Variants in FNDC3B observed in about 807,000 individuals in gnomAD.
FNDC3B encodes the protein fibronectin type III domain containing 3B.
Under a neutral mutation model 151.5 loss-of-function variants are expected in FNDC3B, and 12 were observed. That is an observed-to-expected ratio of 0.08 (90% CI 0.05 to 0.13). The LOEUF is 0.13. Ranked by LOEUF, FNDC3B falls within the 10% of genes least tolerant of loss-of-function variation. The pLI, the probability that FNDC3B is intolerant of heterozygous loss-of-function variation, is 1.00. For missense variants in FNDC3B, 1,214 were observed against 1,505.3 expected, an observed-to-expected ratio of 0.81 and a Z score of 3.20; for synonymous variants, 528 against 549.0, an observed-to-expected ratio of 0.96 and a Z score of 0.54.
At chr3:172,153,763 A>T (rs1277723039) in intron 3 of FNDC3B, among the ~76,000 whole-genome samples, 1 of 152,250 alleles carries the variant, frequency 6.6e-6, no homozygotes, top group East Asian at 1.9e-4. Flanking sequence ...GGTAAGCCCC[A>T]GTCTGTCTCA....
At chr3:172,362,110 C>T (rs767183795) in intron 22 of FNDC3B, among the ~76,000 whole-genome samples, 10 of 152,200 alleles carry the variant, frequency 6.6e-5, no homozygotes, top group African/African-American at 2.4e-4. Flanking sequence ...TGGATGCCAT[C>T]CCATTACTAA....
At chr3:172,126,712 G>A (rs1720824622) in intron 2 of FNDC3B, among the ~76,000 whole-genome samples, 3 of 152,174 alleles carry the variant, frequency 2.0e-5, no homozygotes, top group South Asian at 4.1e-4. Flanking sequence ...CTTCCTGTGT[G>A]CTTTGAGAGG....
chr3:172,084,045 G>A (rs1044517186), intron 1 of FNDC3B, among the ~76,000 whole-genome samples: 4 of 152,124 alleles, frequency 2.6e-5, no homozygotes, highest in African/African-American at 9.7e-5. Context: ...CATGGAGGTT[G>A]CCACAGTTCT....
chr3:172,244,808 C>T (rs1727695312), intron 4 of FNDC3B, among the ~76,000 whole-genome samples: 1 of 151,778 alleles, frequency 6.6e-6, no homozygotes. Flanking sequence ...GTATTTTTAG[C>T]AGAGATGGGG....
chr3:172,392,425 G>A lies in FNDC3B; in HGVS notation c.3304-4739G>A, dbSNP rs550830047. ...TCACTAAGCAAAAATATAATAAGAT[G>A]CTTGAAGTAAAGTTTGAAAATGAGG... On this transcript the variant is annotated intron_variant, in intron 25 of 25. Transcript: ENST00000415807. Among the ~76,000 whole-genome samples the A allele has an allele frequency of 7.1e-4, 108 of 152,302 alleles. 1 individual carries two copies. The highest frequency in any genetic ancestry group is 2.4e-3 in the African/African-American group (101 of 41,558).
At position 172,195,215 on chromosome 3, in the gene FNDC3B, G is replaced by A. The variant is rs1576786631; in HGVS notation, c.188-31656G>A. Among the ~76,000 whole-genome samples the A allele has an allele frequency of 5.3e-5, 8 of 151,802 alleles. 2 individuals are homozygous for A. The South Asian group carries it at 1.7e-3, about 32-fold the overall frequency. On this transcript the variant is annotated intron_variant, in intron 3 of 25. Transcript: ENST00000415807. ...CCCAACCCCCACCCCTCTTAACTTA[G>A]CATTCCATTTTTGTTTGCTTAGAGT...
intron 2 of FNDC3B, among the ~76,000 whole-genome samples, chr3:172,128,732 A>G (rs568055464): frequency 6.6e-6 from 1 of 152,270 alleles, no homozygotes; most frequent in South Asian, 2.1e-4. Flanking sequence ...AGATTGTATC[A>G]TTTTCCCCCT....
intron 11 of FNDC3B, among the ~76,000 whole-genome samples, chr3:172,322,449 C>CA (rs1345613812): frequency 6.6e-6 from 1 of 152,216 alleles, no homozygotes; most frequent in East Asian, 1.9e-4. Context: ...AGACCACCCG[C>CA]ATTCAAGGGA....
intron 3 of FNDC3B, among the ~76,000 whole-genome samples, chr3:172,163,176 T>C (rs1722861786): frequency 6.6e-6 from 1 of 151,818 alleles, no homozygotes; most frequent in African/African-American, 2.4e-5. Context: ...GAGGCTGAGA[T>C]GAGAAGATTA....
chr3:172,229,327 C>T (rs1726767975), intron 4 of FNDC3B, among the ~76,000 whole-genome samples: 1 of 152,186 alleles, frequency 6.6e-6, no homozygotes, highest in South Asian at 2.1e-4. Context: ...ATCCATAACA[C>T]TCAACCCTGC....
At chr3:172,159,750 A>C (rs1722674587) in intron 3 of FNDC3B, among the ~76,000 whole-genome samples, 1 of 152,230 alleles carries the variant, frequency 6.6e-6, no homozygotes, top group African/African-American at 2.4e-5. Flanking sequence ...AAGCCATATG[A>C]GCAAAAGGTT....
chr3:172,298,477 A>G (rs1730748037), intron 8 of FNDC3B, among the ~76,000 whole-genome samples: 1 of 152,250 alleles, frequency 6.6e-6, no homozygotes, highest in Admixed American at 6.5e-5. Flanking sequence ...AAGTGATAAG[A>G]TCTTTTAGAA....
intron 6 of FNDC3B, among the ~76,000 whole-genome samples, chr3:172,260,324 G>A (rs1249857679): frequency 6.6e-6 from 1 of 152,240 alleles, no homozygotes; most frequent in East Asian, 1.9e-4. Flanking sequence ...TTTAAAATAT[G>A]TACTAGTTGG....
At chr3:172,350,241 A>G (rs1198341399) in intron 21 of FNDC3B, among the ~76,000 whole-genome samples, 2 of 152,236 alleles carry the variant, frequency 1.3e-5, no homozygotes, top group African/African-American at 4.8e-5. Flanking sequence ...CTGTAATTCT[A>G]TGAATTAGGC....
chr3:172,329,796 C>T (rs918925755), intron 12 of FNDC3B: 2 of 152,174 alleles, frequency 1.3e-5, no homozygotes, highest in African/African-American at 2.4e-5. Context: ...CCTGCCTCCA[C>T]CACCATGGTA....
chr3:172,264,492 C>T lies in FNDC3B; in HGVS notation c.790+12951C>T, dbSNP rs549027123. ...GGATTCTCATTCATCTCTTTTTCTT[C>T]TATTTTATATGTTTGTTTCTTGCAT... is the stretch of plus-strand genomic sequence containing the variant. On this transcript the variant is annotated intron_variant, in intron 6 of 25. Transcript: ENST00000415807. Among the ~76,000 whole-genome samples the T allele has an allele frequency of 3.3e-5, 5 of 152,220 alleles. No homozygotes were observed. The South Asian group carries it at 1.0e-3, about 32-fold the overall frequency.
chr3:172,151,171 G>C (rs940299269), intron 3 of FNDC3B, among the ~76,000 whole-genome samples: 7 of 152,120 alleles, frequency 4.6e-5, no homozygotes, highest in Non-Finnish European at 1.0e-4. Flanking sequence ...GTGTGCATAT[G>C]TATGCATATT....
At chr3:172,278,852 A>G (rs906830577) in intron 6 of FNDC3B, among the ~76,000 whole-genome samples, 6 of 152,066 alleles carry the variant, frequency 3.9e-5, no homozygotes, top group Admixed American at 2.0e-4. Context: ...GCTTGAACCC[A>G]GGAGGCAGAG....
At chr3:172,344,009 C>G in intron 18 of FNDC3B, 77 bp from the exon 19 acceptor site, 2 of 1,399,514 alleles carry the variant, frequency 1.4e-6, no homozygotes, top group Non-Finnish European at 2.0e-6. Context: ...TTTTGCTCAA[C>G]TTGTGTGAAA....
Sources: gnomAD v4.1 joint callset for allele counts (sites outside exome capture counted in the v4.1 genomes callset) on GRCh38, gnomAD v4.1.1 for gene constraint, MANE v1.5 for transcripts, NCBI Gene and HGNC (gene_info 2026-07-23, HGNC 2026-07-21) for gene names.